The following LDLRAD3 variants were observed in gnomAD, a reference collection of about 807,000 sequenced individuals.
LDLRAD3 encodes the protein low density lipoprotein receptor class A domain containing 3.
In LDLRAD3, 20 loss-of-function variants were observed where a neutral mutation model predicts 29.4. The observed-to-expected ratio is 0.68, with a 90% CI of 0.48 to 0.99. LDLRAD3 has a LOEUF of 0.99. LDLRAD3 is among the 50% of genes least tolerant of loss of function. The pLI is 0.00. For missense variants in LDLRAD3, 420 were observed against 454.3 expected (o/e 0.92, Z 0.69); for synonymous variants, 157 against 192.7 (o/e 0.81, Z 1.53).
rs145300061 is a variant in LDLRAD3, at chr11:35,998,535, C to G, written c.47-37568C>G. ...TGATCTAAACAAACAAACAAACAAT[C>G]AAACAACAAAACAAAAAACAGTCCT... On this transcript the variant is annotated intron_variant, in intron 1 of 5. Transcript: ENST00000315571. Among the ~76,000 whole-genome samples the G allele has an allele frequency of 7.3e-3, 1,116 of 152,274 alleles. 30 individuals are homozygous for G. The highest frequency in any genetic ancestry group is 0.046 in the Admixed American group (707 of 15,298).
At chr11:35,961,187 G>A (rs574925431) in intron 1 of LDLRAD3, among the ~76,000 whole-genome samples, 54 of 152,356 alleles carry the variant, frequency 3.5e-4, no homozygotes, top group African/African-American at 1.0e-3. Flanking sequence ...GGCAGTGAGC[G>A]TCAGCCATGT....
chr11:36,208,768 G>A (rs1421539198), intron 4 of LDLRAD3, among the ~76,000 whole-genome samples: 4 of 98,554 alleles, frequency 4.1e-5, no homozygotes, highest in Non-Finnish European at 7.7e-5. Flanking sequence ...AAGGAAATAG[G>A]GGGGAAAAAA....
At chr11:36,228,953 C>G (rs1321772152) in intron 5 of LDLRAD3, among the ~76,000 whole-genome samples, 1 of 152,248 alleles carries the variant, frequency 6.6e-6, no homozygotes, top group Admixed American at 6.5e-5. Flanking sequence ...CCGGTCAACA[C>G]CAACCAGCCA....
At chr11:36,097,721 G>A (rs1853382396) in intron 3 of LDLRAD3, among the ~76,000 whole-genome samples, 1 of 152,110 alleles carries the variant, frequency 6.6e-6, no homozygotes, top group South Asian at 2.1e-4. Context: ...TAACAAAAAT[G>A]TACTGCACTT....
At chr11:36,066,789 G>C (rs1852801638) in intron 2 of LDLRAD3, among the ~76,000 whole-genome samples, 1 of 152,200 alleles carries the variant, frequency 6.6e-6, no homozygotes. Context: ...CCTCAGGGCT[G>C]TTGGGGGGAT....
intron 3 of LDLRAD3, among the ~76,000 whole-genome samples, chr11:36,088,120 A>G (rs533199716): frequency 1.3e-5 from 2 of 152,018 alleles, no homozygotes; most frequent in South Asian, 2.1e-4. Context: ...CTCCCAAAGT[A>G]CTGGAATTAC....
intron 2 of LDLRAD3, among the ~76,000 whole-genome samples, chr11:36,050,969 A>G (rs1050887835): frequency 2.0e-5 from 3 of 152,130 alleles, no homozygotes; most frequent in African/African-American, 7.2e-5. Flanking sequence ...GGCCTTTTTC[A>G]TAATGGCACT....
intron 4 of LDLRAD3, among the ~76,000 whole-genome samples, chr11:36,114,025 A>G (rs1334527743): frequency 6.6e-6 from 1 of 152,214 alleles, no homozygotes; most frequent in East Asian, 1.9e-4. Context: ...CTATAATATT[A>G]TGAAAAGGCA....
chr11:36,124,881 G>A (rs566922805), intron 4 of LDLRAD3, among the ~76,000 whole-genome samples: 3 of 151,988 alleles, frequency 2.0e-5, no homozygotes, highest in East Asian at 1.9e-4. Context: ...TAGTAGAGAC[G>A]GGGTTTCGCC....
chr11:36,212,817 A>T (rs1340428605), intron 4 of LDLRAD3, among the ~76,000 whole-genome samples: 1 of 152,138 alleles, frequency 6.6e-6, no homozygotes, highest in African/African-American at 2.4e-5. Context: ...ACAGCTTAGA[A>T]ATTAGGGGCC....
intron 4 of LDLRAD3, among the ~76,000 whole-genome samples, chr11:36,155,738 C>T (rs1854339965): frequency 6.6e-6 from 1 of 152,202 alleles, no homozygotes; most frequent in Admixed American, 6.5e-5. Flanking sequence ...TCTTGTTCAC[C>T]CCTGTTATTC....
At chr11:36,130,649 G>A (rs961660302) in intron 4 of LDLRAD3, among the ~76,000 whole-genome samples, 8 of 152,154 alleles carry the variant, frequency 5.3e-5, no homozygotes, top group Non-Finnish European at 1.2e-4. Context: ...TGGTCTGAGC[G>A]CCTGCTTTGT....
At chr11:35,949,010 TGCA>T (rs1851097328) in intron 1 of LDLRAD3, among the ~76,000 whole-genome samples, 1 of 113,138 alleles carries the variant, frequency 8.8e-6, no homozygotes, top group African/African-American at 7.5e-5. Flanking sequence ...ATCATTACTG[TGCA>T]TCATTACTGT....
intron 4 of LDLRAD3, among the ~76,000 whole-genome samples, chr11:36,153,521 C>T (rs574592070): frequency 1.7e-4 from 26 of 152,276 alleles, no homozygotes; most frequent in Non-Finnish European, 2.8e-4. Context: ...GACATTGAGG[C>T]TTGTCTCTGG....
rs763935519 is a variant in LDLRAD3, at chr11:36,227,131, G to C, written c.501G>C (p.Val167=). ...TTGTGACTTCAGAGAACCAACTTGT[G>C]TATTACCCCAGCATCACCTATGCCA... The part of the protein sequence containing the change: ...QVFVTSENQL[V]YYPSITYAII... Residue 167 remains valine (V), a synonymous_variant, in exon 5 of 6, where the codon GTG becomes GTC. Transcript: ENST00000315571. The C allele has an allele frequency of 3.1e-6, 5 of 1,612,424 alleles. No homozygotes were observed. The highest frequency in any genetic ancestry group is 4.2e-6 in the Non-Finnish European group (5 of 1,178,884).
chr11:36,028,496 C>T, intron 1 of LDLRAD3, among the ~76,000 whole-genome samples: 1 of 148,218 alleles, frequency 6.7e-6, no homozygotes, highest in East Asian at 1.9e-4. Context: ...GGCAAATGGG[C>T]TAAAGTCAGC....
chr11:36,138,044 G>A (rs1854027545), intron 4 of LDLRAD3, among the ~76,000 whole-genome samples: 1 of 152,208 alleles, frequency 6.6e-6, no homozygotes, highest in African/African-American at 2.4e-5. Context: ...TTAATCTGTT[G>A]CATTTGAGGT....
intron 4 of LDLRAD3, among the ~76,000 whole-genome samples, chr11:36,163,058 A>G (rs780869907): frequency 3.3e-5 from 5 of 152,230 alleles, no homozygotes; most frequent in Non-Finnish European, 7.3e-5. Context: ...TGGGTGTTTG[A>G]TATCAGGGTA....
chr11:35,984,908 G>A (rs961227176), intron 1 of LDLRAD3, among the ~76,000 whole-genome samples: 5 of 151,336 alleles, frequency 3.3e-5, no homozygotes, highest in African/African-American at 1.2e-4. Context: ...GGGATTACAG[G>A]CGTGAGCCAC....
Sources: allele counts gnomAD v4.1 joint callset (sites outside exome capture counted in the v4.1 genomes callset), GRCh38; gene constraint gnomAD v4.1.1; transcripts MANE v1.5; gene names NCBI Gene and HGNC (gene_info 2026-07-23, HGNC 2026-07-21).